The following WDR4 variants were observed in gnomAD, a reference collection of about 807,000 sequenced individuals.
The protein encoded by WDR4 is tRNA (guanine-N(7)-)-methyltransferase non-catalytic subunit WDR4.
WDR4 carries 47 observed loss-of-function variants against 48.6 expected under a neutral mutation model. That is an observed-to-expected ratio of 0.97 (90% confidence interval 0.77 to 1.23). The LOEUF (loss-of-function observed/expected upper bound fraction) is 1.23. Ranked by LOEUF, WDR4 falls within the 50% of genes most tolerant of loss-of-function variation. The probability of loss-of-function intolerance (pLI) is 0.00; values close to 1 mark genes in which losing one functional copy is unlikely to be tolerated. For missense variants in WDR4, 606 were observed against 551.6 expected, an observed-to-expected ratio of 1.10 and a Z score of -0.99; for synonymous variants, 268 against 230.0, an observed-to-expected ratio of 1.17 and a Z score of -1.49.
intron 6 of WDR4, 65 bp downstream of exon 6, chr21:42,859,597 G>GGCCCCCCCC: frequency 2.8e-6 from 2 of 708,180 alleles, no homozygotes; most frequent in African/African-American, 3.6e-5. Context: ...TCCAGGAGGC[G>GGCCCCCCCC]CCCACCCCAC....
At position 42,850,123 on chromosome 21, in the gene WDR4, G is replaced by A. The variant is rs781557232; in HGVS notation, c.1165C>T (p.Arg389Cys). 42 of 1,613,884 alleles carry A rather than the reference G, an allele frequency of 2.6e-5. 1 individual carries two copies. The highest frequency in any genetic ancestry group is 8.8e-5 in the South Asian group (8 of 91,060). ...TCGGGCCCAGGCGGGGGACTCCGGCGCCGCTGCTTCTTCTCTAGCTGCTGC... is the reference window on the plus strand; with the variant it reads ...TCGGGCCCAGGCGGGGGACTCCGGCACCGCTGCTTCTTCTCTAGCTGCTGC... Reference protein sequence around the residue: ...LQQQLEKKQRRRSPPPGPDGH... With the variant: ...LQQQLEKKQRCRSPPPGPDGH... The change falls in exon 11 of 11, where the codon CGC (arginine) becomes TGC (cysteine). Residue 389 changes from arginine to cysteine, a missense_variant. Transcript: ENST00000398208.
In WDR4 at chr21:42,852,317, G is replaced by T; in HGVS notation, c.983C>A (p.Pro328His). The T allele has an allele frequency of 6.2e-7, 1 of 1,614,094 alleles. No individual in the cohort carries two copies. Among genetic ancestry groups the T allele is most frequent in the Non-Finnish European group, 8.5e-7 (1 of 1,180,004 alleles). Reference sequence around the variant, plus strand: ...GACTTTCTTTAACACGGTGCTCTCAGGAACAGACTGCAGGCGACAAACAGG... The same window carrying T: ...GACTTTCTTTAACACGGTGCTCTCATGAACAGACTGCAGGCGACAAACAGG... The part of the protein sequence containing the change: ...RPVGDQWQSV[P>H]ESTVLKKVSG... Residue 328 changes from proline (P) to histidine (H), a missense_variant, in exon 10 of 11, where the codon CCT (proline) becomes CAT (histidine). Transcript: ENST00000398208.
intron 3 of WDR4, among the ~76,000 whole-genome samples, chr21:42,870,441 G>C (rs1341702596): frequency 6.6e-6 from 1 of 152,166 alleles, no homozygotes; most frequent in Non-Finnish European, 1.5e-5. Context: ...CACCCAAGCG[G>C]CTCTTGTGCA....
chr21:42,845,708 T>C (rs1411680126), downstream of WDR4, among the ~76,000 whole-genome samples: 1 of 152,248 alleles, frequency 6.6e-6, no homozygotes, highest in Non-Finnish European at 1.5e-5. Flanking sequence ...GAGGATGCAC[T>C]GCGTTTTCCA....
At chr21:42,873,717 T>C in intron 2 of WDR4, 26 bp from the exon 3 acceptor site, 1 of 1,608,204 alleles carries the variant, frequency 6.2e-7, no homozygotes. Context: ...GGAAGACGGT[T>C]AAGCTTCACC....
chr21:42,856,901 GATGTTTAATAACC>G (rs2058007601), intron 6 of WDR4, among the ~76,000 whole-genome samples: 2 of 152,044 alleles, frequency 1.3e-5, no homozygotes, highest in Admixed American at 1.3e-4. Flanking sequence ...ACAAGAAAAA[GATGTTTAATAACC>G]ATGAACCCAC....
At chr21:42,865,855 C>A (rs1176349472) in intron 3 of WDR4, among the ~76,000 whole-genome samples, 1 of 152,086 alleles carries the variant, frequency 6.6e-6, no homozygotes, top group African/African-American at 2.4e-5. Flanking sequence ...CCGTTCTCTG[C>A]CAGGAGTCGA....
chr21:42,869,207 A>G (rs1029142870), intron 3 of WDR4, among the ~76,000 whole-genome samples: 1 of 152,150 alleles, frequency 6.6e-6, no homozygotes, highest in African/African-American at 2.4e-5. Context: ...AATTTTCTGT[A>G]CGGACCAAAA....
At chr21:42,848,945 C>T (rs2057745389), downstream of WDR4, among the ~76,000 whole-genome samples, 2 of 123,372 alleles carry the variant, frequency 1.6e-5, no homozygotes, top group South Asian at 5.9e-4. Flanking sequence ...ACACAGCACA[C>T]GATCACGCGG....
In WDR4 at chr21:42,850,074, G is replaced by A. The variant is rs753862457; in HGVS notation, c.1214C>T (p.Pro405Leu). ...TCAGCAACTTAGCGTCGCCTCCCCCGGTCTCATCTTCTTGGCATGCCCGTC... is the reference window on the plus strand; with the variant it reads ...TCAGCAACTTAGCGTCGCCTCCCCCAGTCTCATCTTCTTGGCATGCCCGTC... Reference protein sequence around the residue: ...GPDGHAKKMRPGEATLSC With the variant: ...GPDGHAKKMRLGEATLSC Residue 405 changes from proline to leucine, a missense_variant, in exon 11 of 11, where the codon CCG becomes CTG. Transcript: ENST00000398208. 3.7e-5 allele frequency: 60 copies of A among 1,613,952 alleles called. No individual in the cohort carries two copies. Among genetic ancestry groups the A allele is most frequent in the Non-Finnish European group, 4.5e-5 (53 of 1,179,992 alleles).
chr21:42,847,189 T>G (rs1291487654), downstream of WDR4, among the ~76,000 whole-genome samples: 1 of 152,116 alleles, frequency 6.6e-6, no homozygotes, highest in African/African-American at 2.4e-5. Flanking sequence ...TCCTCCCAGA[T>G]GGCAAACAGG....
chr21:42,879,451 C>G lies in WDR4; in HGVS notation c.45G>C (p.Val15=). Residue 15 remains valine (V), a synonymous_variant, in exon 1 of 11, where the codon GTG becomes GTC. Transcript: ENST00000398208. ...CCAGGAATCGGCTGCCGCCCCGCAC[C>G]ACCAACGTCTGCCCGCACAACGCCA... ...VGLALCGQTL[V]VRGGSRFLAT... is the part of the protein sequence containing the mutation. 1.2e-6 allele frequency: 2 copies of G among 1,613,812 alleles called. No homozygotes were observed. The highest frequency in any genetic ancestry group is 1.7e-6 in the Non-Finnish European group (2 of 1,179,906).
intron 3 of WDR4, among the ~76,000 whole-genome samples, chr21:42,870,013 C>CAA (rs35193980): frequency 0.059 from 7,415 of 124,906 alleles, 208 homozygotes; most frequent in South Asian, 0.094. Context: ...AACTCCATCT[C>CAA]AAAAAAAAAA....
intron 3 of WDR4, among the ~76,000 whole-genome samples, chr21:42,871,050 TG>T (rs1179641877): frequency 6.6e-6 from 1 of 152,140 alleles, no homozygotes; most frequent in African/African-American, 2.4e-5. Flanking sequence ...CAGAGGTCAT[TG>T]GGATAGCCCT....
the WDR4 span, among the ~76,000 whole-genome samples, chr21:42,884,595 C>T: frequency 3.3e-5 from 5 of 150,212 alleles, no homozygotes; most frequent in South Asian, 2.1e-4. Context: ...TGCAGTGAGC[C>T]GAGATCACGC....
the WDR4 span, among the ~76,000 whole-genome samples, chr21:42,892,802 G>T: frequency 6.6e-6 from 1 of 152,242 alleles, no homozygotes; most frequent in East Asian, 1.9e-4. Flanking sequence ...AGCAGTGGTG[G>T]CCGCGTTGCC....
At chr21:42,873,381 CAG>C (rs2058415530) in intron 3 of WDR4, among the ~76,000 whole-genome samples, 168 bp downstream of exon 3, 1 of 152,078 alleles carries the variant, frequency 6.6e-6, no homozygotes, top group Non-Finnish European at 1.5e-5. Context: ...CCGTGAGGAT[CAG>C]ATCAGCCAAC....
chr21:42,855,679 T>C lies in WDR4; in HGVS notation c.726+3A>G, dbSNP rs1471633298. The stretch of plus-strand genomic sequence containing the variant: ...TCGCCCAGGAGTGAACAGAAGCAGC[T>C]ACCTGGGGGGCCTGGGGGTCCACCA... On this transcript the variant is annotated splice_donor_region_variant and intron_variant, in intron 7 of 10. Coordinates refer to ENST00000398208, the MANE Select transcript of WDR4 (RefSeq NM_018669.6). 1.3e-6 allele frequency: 2 copies of C among 1,547,138 alleles called. No homozygotes were observed. Among genetic ancestry groups the C allele is most frequent in the East Asian group, 4.9e-5 (2 of 40,992 alleles).
chr21:42,849,221 C>T (rs1344830395), downstream of WDR4: 1 of 152,792 alleles, frequency 6.5e-6, no homozygotes. Context: ...AGCGCAGGCA[C>T]CAAGGAGTTT....
Sources: gnomAD v4.1 joint callset for allele counts (sites outside exome capture counted in the v4.1 genomes callset) on GRCh38, gnomAD v4.1.1 for gene constraint, MANE v1.5 for transcripts, NCBI Gene and HGNC (gene_info 2026-07-23, HGNC 2026-07-21) for gene names.